Variants in CNTNAP5 observed in about 807,000 individuals in gnomAD.
CNTNAP5 encodes contactin associated protein family member 5, also known as contactin-associated protein-like 5.
A neutral mutation model predicts 150.2 loss-of-function variants in CNTNAP5; 72 were observed. That is an observed-to-expected ratio of 0.48 (90% CI 0.40 to 0.58). CNTNAP5 has a LOEUF of 0.58. Ranked by LOEUF, CNTNAP5 falls within the 20% of genes least tolerant of loss-of-function variation. CNTNAP5 has a pLI of 0.00. For synonymous variants in CNTNAP5, 672 were observed against 619.8 expected, an observed-to-expected ratio of 1.08 and a Z score of -1.25; for missense variants, 1,636 against 1,626.2, an observed-to-expected ratio of 1.01 and a Z score of -0.10.
chr2:124,149,092 CAT>C (rs1295675430), intron 1 of CNTNAP5, among the ~76,000 whole-genome samples: 8 of 152,048 alleles, frequency 5.3e-5, no homozygotes, highest in Admixed American at 5.2e-4. Flanking sequence ...AGGTTAATCA[CAT>C]ATGTTACCTG....
chr2:124,209,491 C>T (rs1024657220), intron 1 of CNTNAP5, among the ~76,000 whole-genome samples: 9 of 152,170 alleles, frequency 5.9e-5, no homozygotes, highest in African/African-American at 1.7e-4. Context: ...CAATCTTGAA[C>T]GCACTTCCCT....
At chr2:124,346,454 C>A (rs1221899519) in intron 3 of CNTNAP5, among the ~76,000 whole-genome samples, 1 of 152,138 alleles carries the variant, frequency 6.6e-6, no homozygotes, top group East Asian at 1.9e-4. Context: ...CAGTTAGCAA[C>A]AGCCCAGCAC....
chr2:124,407,974 G>T (rs1307805511), intron 3 of CNTNAP5, among the ~76,000 whole-genome samples: 1 of 152,310 alleles, frequency 6.6e-6, no homozygotes, highest in African/African-American at 2.4e-5. Flanking sequence ...TGAGGTACTG[G>T]GTTCATCTCA....
intron 11 of CNTNAP5, among the ~76,000 whole-genome samples, chr2:124,601,651 A>T (rs1696986751): frequency 6.6e-6 from 1 of 152,180 alleles, no homozygotes; most frequent in Non-Finnish European, 1.5e-5. Context: ...TGCGTCAATG[A>T]GTCAAGCATC....
intron 3 of CNTNAP5, among the ~76,000 whole-genome samples, chr2:124,379,923 G>C (rs929758026): frequency 1.6e-4 from 25 of 152,082 alleles, no homozygotes; most frequent in Admixed American, 1.6e-3. Flanking sequence ...TGATACTTTG[G>C]TTGTGGAAAC....
At chr2:124,115,638 G>A (rs896724591) in intron 1 of CNTNAP5, among the ~76,000 whole-genome samples, 2 of 143,182 alleles carry the variant, frequency 1.4e-5, no homozygotes, top group Middle Eastern at 3.6e-3. Flanking sequence ...ATTGCTTTCC[G>A]TATAATAGTC....
At chr2:124,617,892 C>T (rs191812168) in intron 12 of CNTNAP5, among the ~76,000 whole-genome samples, 1 of 152,188 alleles carries the variant, frequency 6.6e-6, no homozygotes, top group Non-Finnish European at 1.5e-5. Flanking sequence ...CAGATAATGC[C>T]TCTGAAACCT....
intron 3 of CNTNAP5, among the ~76,000 whole-genome samples, chr2:124,339,824 G>GA (rs1689566135): frequency 6.6e-6 from 1 of 152,092 alleles, no homozygotes; most frequent in African/African-American, 2.4e-5. Context: ...CCGATTGGTT[G>GA]GAGATGAAAT....
At chr2:124,155,187 T>G (rs1207478893) in intron 1 of CNTNAP5, among the ~76,000 whole-genome samples, 7 of 151,558 alleles carry the variant, frequency 4.6e-5, no homozygotes, top group Admixed American at 4.6e-4. Flanking sequence ...CTCTGCAGTT[T>G]GGAAAAATGC....
In CNTNAP5 at chr2:124,497,059, G is replaced by C. The variant is rs114318146; in HGVS notation, c.1063-7233G>C. 4.8e-3 allele frequency among the ~76,000 whole-genome samples: 735 copies of C among 152,314 alleles called. 7 individuals are homozygous for C. The highest frequency in any genetic ancestry group is 0.017 in the African/African-American group (691 of 41,562). On this transcript the variant is annotated intron_variant, in intron 7 of 23. Transcript: ENST00000682447. ...AGCAGTGTTTGAAGCAGTGGTGACA[G>C]CCTGGTTGAGAATCCGCTAGAGACC...
At chr2:124,837,331 T>C (rs1682852340) in intron 19 of CNTNAP5, among the ~76,000 whole-genome samples, 1 of 152,148 alleles carries the variant, frequency 6.6e-6, no homozygotes, top group African/African-American at 2.4e-5. Flanking sequence ...TACTAAATCT[T>C]GACTATGAGA....
At chr2:124,708,820 T>C (rs902687444) in intron 13 of CNTNAP5, among the ~76,000 whole-genome samples, 1 of 152,218 alleles carries the variant, frequency 6.6e-6, no homozygotes, top group African/African-American at 2.4e-5. Flanking sequence ...TGCTCAGCAG[T>C]TGATAACTGT....
intron 13 of CNTNAP5, among the ~76,000 whole-genome samples, chr2:124,663,007 T>C (rs1678624262): frequency 6.6e-6 from 1 of 152,204 alleles, no homozygotes; most frequent in African/African-American, 2.4e-5. Context: ...GGCTTTGTGG[T>C]AAGTATTTTC....
At chr2:124,744,035 C>T (rs1446952589) in intron 13 of CNTNAP5, among the ~76,000 whole-genome samples, 2 of 152,176 alleles carry the variant, frequency 1.3e-5, no homozygotes, top group African/African-American at 2.4e-5. Flanking sequence ...CACCCTTCTT[C>T]ATAGCACACT....
intron 3 of CNTNAP5, among the ~76,000 whole-genome samples, chr2:124,357,094 T>C (rs1465033351): frequency 1.3e-5 from 2 of 152,214 alleles, no homozygotes; most frequent in African/African-American, 4.8e-5. Context: ...TTTGGCTGCA[T>C]AAATGTCTTC....
chr2:124,570,373 G>A (rs2901331), intron 11 of CNTNAP5, among the ~76,000 whole-genome samples: 45,979 of 151,918 alleles, frequency 0.3, 7,211 homozygotes, highest in Middle Eastern at 0.35. Flanking sequence ...ATGAGCAAAG[G>A]CAAAGTGACA....
chr2:124,722,745 G>T lies in CNTNAP5; in HGVS notation c.2078-24484G>T, dbSNP rs528041723. ...GGAGGCAGCCTTGACCCCTGAGCCT[G>T]TGTCCTCCAGGACAGTGGCCGCAGT... On this transcript the variant is annotated intron_variant, in intron 13 of 23. Coordinates refer to ENST00000682447, the MANE Select transcript of CNTNAP5 (RefSeq NM_001367498.1). Among the ~76,000 whole-genome samples the T allele has an allele frequency of 3.1e-3, 478 of 152,316 alleles. 1 individual carries two copies. Among genetic ancestry groups the T allele is most frequent in the Admixed American group, 5.5e-3 (84 of 15,296 alleles).
At chr2:124,607,886 A>T (rs1677291979) in intron 11 of CNTNAP5, among the ~76,000 whole-genome samples, 1 of 152,220 alleles carries the variant, frequency 6.6e-6, no homozygotes, top group African/African-American at 2.4e-5. Flanking sequence ...TAGGCAAACA[A>T]AAATAATCTG....
chr2:124,170,022 C>A (rs1684893845), intron 1 of CNTNAP5, among the ~76,000 whole-genome samples: 1 of 152,086 alleles, frequency 6.6e-6, no homozygotes, highest in South Asian at 2.1e-4. Context: ...CAGCTAAAAC[C>A]AAACAGACTC....
Sources: gnomAD v4.1 joint callset for allele counts (sites outside exome capture counted in the v4.1 genomes callset) on GRCh38, gnomAD v4.1.1 for gene constraint, MANE v1.5 for transcripts, NCBI Gene and HGNC (gene_info 2026-07-23, HGNC 2026-07-21) for gene names.